TBX20: variants seen among roughly 807,000 people sequenced by gnomAD.
TBX20 encodes T-box transcription factor TBX20.
Under a neutral mutation model 42.9 loss-of-function variants are expected in TBX20, and 8 were observed. The observed-to-expected ratio is 0.19, with a 90% CI of 0.11 to 0.34. The LOEUF (loss-of-function observed/expected upper bound fraction) is 0.34. TBX20 is among the 10% of genes least tolerant of loss of function. TBX20 has a pLI of 1.00. For synonymous variants in TBX20, 198 were observed against 222.8 expected, an observed-to-expected ratio of 0.89 and a Z score of 0.99; for missense variants, 411 against 566.0, an observed-to-expected ratio of 0.73 and a Z score of 2.78.
chr7:35,246,614 T>C (rs1413481303), intron 3 of TBX20, among the ~76,000 whole-genome samples: 1 of 152,130 alleles, frequency 6.6e-6, no homozygotes, highest in Non-Finnish European at 1.5e-5. Flanking sequence ...TTGCTTATTA[T>C]TACAATCAAG....
intron 6 of TBX20, among the ~76,000 whole-genome samples, chr7:35,219,042 T>C (rs1272920142): frequency 6.6e-6 from 1 of 152,222 alleles, no homozygotes; most frequent in Non-Finnish European, 1.5e-5. Context: ...CTACCTTGTT[T>C]ATGGTCTTTT....
intron 6 of TBX20, among the ~76,000 whole-genome samples, chr7:35,217,314 C>T (rs2128711561): frequency 6.6e-6 from 1 of 151,938 alleles, no homozygotes; most frequent in Non-Finnish European, 1.5e-5. Flanking sequence ...GCTGTGACAA[C>T]CATATAAAAA....
intron 2 of TBX20, 28 bp from the exon 3 acceptor site, chr7:35,248,869 C>T (rs1790249217): frequency 1.2e-6 from 2 of 1,613,524 alleles, no homozygotes. Context: ...AGAGAATGGG[C>T]CCTGTTTATG....
chr7:35,229,632 C>T (rs992907949), intron 6 of TBX20, among the ~76,000 whole-genome samples: 4 of 152,124 alleles, frequency 2.6e-5, no homozygotes, highest in African/African-American at 9.7e-5. Flanking sequence ...TCAAATCTGC[C>T]GTTGTAAAGA....
intron 1 of TBX20, among the ~76,000 whole-genome samples, chr7:35,253,258 T>C (rs1372659094): frequency 6.6e-6 from 1 of 152,244 alleles, no homozygotes; most frequent in Non-Finnish European, 1.5e-5. Context: ...ATCTGATATA[T>C]GGATTCTAGA....
At chr7:35,218,903 G>A (rs1447543224) in intron 6 of TBX20, among the ~76,000 whole-genome samples, 2 of 152,276 alleles carry the variant, frequency 1.3e-5, no homozygotes, top group Admixed American at 6.5e-5. Flanking sequence ...AAGCTTACTT[G>A]CCCTTTCCAC....
intron 5 of TBX20, among the ~76,000 whole-genome samples, chr7:35,235,691 T>C (rs1306793450): frequency 2.0e-5 from 3 of 152,192 alleles, no homozygotes; most frequent in Non-Finnish European, 4.4e-5. Context: ...TTAAATAATA[T>C]AGAACATAAT....
intron 4 of TBX20, among the ~76,000 whole-genome samples, chr7:35,242,811 T>C (rs1790109048): frequency 1.3e-5 from 2 of 152,124 alleles, no homozygotes; most frequent in South Asian, 4.1e-4. Context: ...CAAGAAATAA[T>C]TCTTGAGAAT....
rs1213885585 is a variant in TBX20 at position 35,254,004 on chromosome 7, G to A, written c.-384C>T. On this transcript the variant is annotated 5_prime_UTR_variant, in exon 1 of 8. Transcript: ENST00000408931. Reference sequence around the variant, plus strand: ...CGTCCTTCCTCCCTCTGGGGCTGGGGACAGCCGGGATGTCCCAGGCTGAGG... The same window carrying A: ...CGTCCTTCCTCCCTCTGGGGCTGGGAACAGCCGGGATGTCCCAGGCTGAGG... 1 of 173,632 alleles carries A rather than the reference G, an allele frequency of 5.8e-6. No individual in the cohort carries two copies. The highest frequency in any genetic ancestry group is 1.6e-4 in the East Asian group (1 of 6,146). 10.8% of individuals were successfully genotyped at this position (173,632 alleles called of 1,614,324 possible).
chr7:35,205,277 C>G (rs909184710), intron 6 of TBX20, among the ~76,000 whole-genome samples: 1 of 151,684 alleles, frequency 6.6e-6, no homozygotes, highest in Non-Finnish European at 1.5e-5. Context: ...GTAACATAGT[C>G]TATCAACCAA....
chr7:35,215,090 A>G (rs1161025006), intron 6 of TBX20, among the ~76,000 whole-genome samples: 1 of 152,198 alleles, frequency 6.6e-6, no homozygotes, highest in African/African-American at 2.4e-5. Flanking sequence ...ATAATTTCCC[A>G]AGTAACACAG....
intron 6 of TBX20, among the ~76,000 whole-genome samples, chr7:35,217,317 T>C (rs1789607659): frequency 6.6e-6 from 1 of 152,152 alleles, no homozygotes; most frequent in African/African-American, 2.4e-5. Flanking sequence ...GTGACAACCA[T>C]ATAAAAAATT....
intron 6 of TBX20, among the ~76,000 whole-genome samples, chr7:35,206,277 G>C (rs897655344): frequency 2.0e-5 from 3 of 152,256 alleles, no homozygotes; most frequent in Non-Finnish European, 4.4e-5. Context: ...GCCGGGGCCG[G>C]TGGCTCACAC....
intron 4 of TBX20, among the ~76,000 whole-genome samples, chr7:35,243,572 A>C (rs1243837755): frequency 6.6e-6 from 1 of 152,180 alleles, no homozygotes; most frequent in Non-Finnish European, 1.5e-5. Flanking sequence ...TCCCTGCAAA[A>C]ATTTCCATTA....
chr7:35,237,612 A>T (rs1318215139), intron 5 of TBX20, among the ~76,000 whole-genome samples: 1 of 151,410 alleles, frequency 6.6e-6, no homozygotes, highest in East Asian at 1.9e-4. Context: ...TTTGGGGGAA[A>T]GCAAATTTGG....
rs1203700875 is a variant in TBX20, at chr7:35,214,910, A to T, written c.891-10328T>A. 1.3e-5 allele frequency among the ~76,000 whole-genome samples: 2 copies of T among 152,164 alleles called. 1 individual carries two copies. The highest frequency in any genetic ancestry group is 3.9e-4 in the East Asian group (2 of 5,194). Reference sequence around the variant, plus strand: ...AAGGATTTGCTGTCCATGGGCCCAAATTCTGGATGGTGTTTTTCTAAGGTG... The same window carrying T: ...AAGGATTTGCTGTCCATGGGCCCAATTTCTGGATGGTGTTTTTCTAAGGTG... On this transcript the variant is annotated intron_variant, in intron 6 of 7. Coordinates refer to ENST00000408931, the MANE Select transcript of TBX20 (RefSeq NM_001077653.2).
At chr7:35,216,029 T>C (rs1031025200) in intron 6 of TBX20, among the ~76,000 whole-genome samples, 4 of 152,222 alleles carry the variant, frequency 2.6e-5, no homozygotes, top group African/African-American at 9.6e-5. Context: ...TTGTTCCTAA[T>C]ACAATCCTCC....
intron 6 of TBX20, among the ~76,000 whole-genome samples, chr7:35,226,125 A>G (rs1263756436): frequency 1.3e-5 from 2 of 152,096 alleles, no homozygotes; most frequent in Admixed American, 6.5e-5. Context: ...ATACTACACA[A>G]GTCAAAGGTT....
rs567628900 is a variant in TBX20 at position 35,215,088 on chromosome 7, C to G, written c.891-10506G>C. Among the ~76,000 whole-genome samples, 34 of 152,156 alleles carry G rather than the reference C, an allele frequency of 2.2e-4. No homozygotes were observed. In the South Asian group the frequency reaches 4.0e-3, roughly 18 times the overall value. ...TAACACACACAAGACAAATAATTTC[C>G]CAAGTAACACAGTGAAACATTTTGC... On this transcript the variant is annotated intron_variant, in intron 6 of 7. Coordinates refer to ENST00000408931, the MANE Select transcript of TBX20 (RefSeq NM_001077653.2).
Sources: gnomAD v4.1 joint callset for allele counts (sites outside exome capture counted in the v4.1 genomes callset) on GRCh38, gnomAD v4.1.1 for gene constraint, MANE v1.5 for transcripts, NCBI Gene and HGNC (gene_info 2026-07-23, HGNC 2026-07-21) for gene names.